The following PDZRN4 variants were observed in gnomAD, a reference collection of about 807,000 sequenced individuals.
PDZRN4 encodes the protein PDZ domain containing ring finger 4, also known as PDZ domain-containing RING finger protein 4.
In PDZRN4, 70 loss-of-function variants were observed where a neutral mutation model predicts 99.0. The observed-to-expected ratio is 0.71, with a 90% CI of 0.58 to 0.86. The LOEUF (loss-of-function observed/expected upper bound fraction) is 0.86. Ranked by LOEUF, PDZRN4 falls within the 40% of genes least tolerant of loss-of-function variation. PDZRN4 has a pLI of 0.00. For missense variants in PDZRN4, 1,474 were observed against 1,331.2 expected (o/e 1.11, Z -1.67); for synonymous variants, 551 against 501.6 (o/e 1.10, Z -1.32).
At chr12:41,358,174 A>C (rs1175000129) in intron 3 of PDZRN4, among the ~76,000 whole-genome samples, 1 of 151,956 alleles carries the variant, frequency 6.6e-6, no homozygotes, top group Admixed American at 6.6e-5. Flanking sequence ...TATTCTTCTC[A>C]ACACAGGAAG....
chr12:41,339,201 A>G lies in PDZRN4; in HGVS notation c.843+145013A>G, dbSNP rs942570419. 5.9e-5 allele frequency among the ~76,000 whole-genome samples: 9 copies of G among 152,210 alleles called. No homozygotes were observed. In the East Asian group the frequency reaches 1.7e-3, roughly 29 times the overall value. The stretch of plus-strand genomic sequence containing the variant: ...GCTACAGAGTTATGGTAACCAAAAC[A>G]GCACAGCCCTGGCATTAAAAACAAA... On this transcript the variant is annotated intron_variant, in intron 3 of 9. Coordinates refer to ENST00000402685, the MANE Select transcript of PDZRN4 (RefSeq NM_001164595.2).
intron 3 of PDZRN4, among the ~76,000 whole-genome samples, chr12:41,461,328 T>G (rs1002059379): frequency 6.6e-6 from 1 of 152,146 alleles, no homozygotes; most frequent in African/African-American, 2.4e-5. Flanking sequence ...TTAAGCCTAG[T>G]ACCCATTAGT....
chr12:41,514,860 G>T (rs1938373766), intron 5 of PDZRN4, among the ~76,000 whole-genome samples: 1 of 152,016 alleles, frequency 6.6e-6, no homozygotes, highest in South Asian at 2.1e-4. Flanking sequence ...GTAAGGAAAG[G>T]GCAAAGAGGG....
intron 3 of PDZRN4, among the ~76,000 whole-genome samples, chr12:41,215,064 A>G (rs890186966): frequency 1.3e-5 from 2 of 152,064 alleles, no homozygotes; most frequent in Admixed American, 1.3e-4. Context: ...TAGCCTTCAA[A>G]CACAGTTGCA....
chr12:41,297,632 T>C (rs1425619677), intron 3 of PDZRN4, among the ~76,000 whole-genome samples: 1 of 152,164 alleles, frequency 6.6e-6, no homozygotes, highest in Non-Finnish European at 1.5e-5. Flanking sequence ...GTAGCCTGTT[T>C]ACCAAGTGCC....
intron 3 of PDZRN4, among the ~76,000 whole-genome samples, chr12:41,466,317 G>A (rs1404717536): frequency 6.6e-6 from 1 of 152,132 alleles, no homozygotes; most frequent in African/African-American, 2.4e-5. Flanking sequence ...CTACACCTAG[G>A]TTAGGCATTA....
intron 5 of PDZRN4, 78 bp from the exon 6 acceptor site, chr12:41,552,578 A>G (rs1293459655): frequency 1.3e-5 from 14 of 1,111,474 alleles, no homozygotes; most frequent in Non-Finnish European, 1.4e-5. Flanking sequence ...AGTAACCCAA[A>G]GAATATCAGT....
intron 5 of PDZRN4, among the ~76,000 whole-genome samples, chr12:41,543,073 C>T (rs1938886870): frequency 6.6e-6 from 1 of 152,164 alleles, no homozygotes; most frequent in East Asian, 1.9e-4. Flanking sequence ...TCTCTTAATA[C>T]ATCCCTAAAC....
At chr12:41,532,359 C>T (rs1189614520) in intron 5 of PDZRN4, among the ~76,000 whole-genome samples, 1 of 152,044 alleles carries the variant, frequency 6.6e-6, no homozygotes, top group African/African-American at 2.4e-5. Flanking sequence ...CTGACTAATC[C>T]TGTTACTTTA....
intron 3 of PDZRN4, among the ~76,000 whole-genome samples, chr12:41,445,155 T>C (rs922340359): frequency 6.6e-6 from 1 of 152,070 alleles, no homozygotes; most frequent in Non-Finnish European, 1.5e-5. Context: ...TTTCACTGTT[T>C]CCAAATTATA....
chr12:41,232,156 C>A (rs114551598), intron 3 of PDZRN4, among the ~76,000 whole-genome samples: 1 of 151,850 alleles, frequency 6.6e-6, no homozygotes, highest in South Asian at 2.1e-4. Context: ...AAATCAATTA[C>A]GGAACTGCAT....
In PDZRN4 at chr12:41,381,878, T is replaced by C. The variant is rs561468392; in HGVS notation, c.844-124578T>C. On this transcript the variant is annotated intron_variant, in intron 3 of 9. Transcript: ENST00000402685. ...CATTTACTTTAACAGAGAAAGTCCT[T>C]CTCTAGTCAGTTCAACCTGTGCTTC... 9.3e-4 allele frequency among the ~76,000 whole-genome samples: 142 copies of C among 152,308 alleles called. 1 individual carries two copies. In the South Asian group the frequency reaches 0.028, roughly 30 times the overall value.
chr12:41,447,701 G>T (rs1349401574), intron 3 of PDZRN4, among the ~76,000 whole-genome samples: 1 of 152,108 alleles, frequency 6.6e-6, no homozygotes, highest in Non-Finnish European at 1.5e-5. Context: ...GAAGCACAAA[G>T]TAGTCAAGTA....
chr12:41,333,093 C>T (rs1198129278), intron 3 of PDZRN4, among the ~76,000 whole-genome samples: 1 of 152,082 alleles, frequency 6.6e-6, no homozygotes, highest in Non-Finnish European at 1.5e-5. Context: ...AAAGCCTGCA[C>T]CTGTACACCA....
chr12:41,370,388 T>C (rs1013451746), intron 3 of PDZRN4, among the ~76,000 whole-genome samples: 2 of 152,032 alleles, frequency 1.3e-5, no homozygotes, highest in Admixed American at 1.3e-4. Context: ...TTTCCCTTGG[T>C]CCTTTAAAAA....
At chr12:41,432,451 A>G (rs760177307) in intron 3 of PDZRN4, among the ~76,000 whole-genome samples, 20 of 152,228 alleles carry the variant, frequency 1.3e-4, no homozygotes, top group Non-Finnish European at 2.8e-4. Flanking sequence ...TGTTACAAAC[A>G]TAAATTTATG....
At chr12:41,469,519 GT>G (rs1434721777) in intron 3 of PDZRN4, among the ~76,000 whole-genome samples, 5 of 152,114 alleles carry the variant, frequency 3.3e-5, no homozygotes, top group Non-Finnish European at 5.9e-5. Context: ...AGTTTTTGAG[GT>G]TTTCTTTTAA....
At chr12:41,267,356 A>T (rs552608044) in intron 3 of PDZRN4, among the ~76,000 whole-genome samples, 1 of 152,326 alleles carries the variant, frequency 6.6e-6, no homozygotes, top group South Asian at 2.1e-4. Flanking sequence ...AATCAACTGG[A>T]GCTGGCATGT....
intron 4 of PDZRN4, among the ~76,000 whole-genome samples, chr12:41,507,859 G>A (rs1938234948): frequency 6.6e-6 from 1 of 151,902 alleles, no homozygotes; most frequent in Non-Finnish European, 1.5e-5. Flanking sequence ...CTAGATGCTT[G>A]GCATAAAACT....
Sources: gnomAD v4.1 joint callset for allele counts (sites outside exome capture counted in the v4.1 genomes callset) on GRCh38, gnomAD v4.1.1 for gene constraint, MANE v1.5 for transcripts, NCBI Gene and HGNC (gene_info 2026-07-23, HGNC 2026-07-21) for gene names.